NPAS3: variants seen among roughly 807,000 people sequenced by gnomAD.
The protein encoded by NPAS3 is neuronal PAS domain-containing protein 3.
In NPAS3, 14 loss-of-function variants were observed where a neutral mutation model predicts 73.1. That is an observed-to-expected ratio of 0.19 (90% CI 0.13 to 0.30). The LOEUF is 0.30. NPAS3 is among the 10% of genes least tolerant of loss of function. The pLI is 1.00. For synonymous variants in NPAS3, 620 were observed against 541.5 expected (o/e 1.14, Z -2.01); for missense variants, 1,096 against 1,250.0 (o/e 0.88, Z 1.86).
intron 4 of NPAS3, among the ~76,000 whole-genome samples, chr14:33,540,057 G>A (rs73269030): frequency 0.035 from 5,253 of 152,074 alleles, 340 homozygotes; most frequent in African/African-American, 0.12. Context: ...CAAGTTTTGT[G>A]TGTTTGCTTA....
chr14:33,245,149 A>C (rs2048333733), intron 3 of NPAS3, among the ~76,000 whole-genome samples: 1 of 152,220 alleles, frequency 6.6e-6, no homozygotes, highest in African/African-American at 2.4e-5. Context: ...ATATGATTAA[A>C]ATATATTTTT....
intron 4 of NPAS3, among the ~76,000 whole-genome samples, chr14:33,417,473 G>A (rs2138983413): frequency 6.6e-6 from 1 of 152,118 alleles, no homozygotes; most frequent in Admixed American, 6.6e-5. Context: ...CCAACTCTGT[G>A]ATTACGTTCT....
chr14:33,385,511 G>T (rs1378177173), intron 4 of NPAS3, among the ~76,000 whole-genome samples: 1 of 152,072 alleles, frequency 6.6e-6, no homozygotes, highest in Admixed American at 6.6e-5. Context: ...TGTTTCCCTT[G>T]GTAGACTTCA....
chr14:33,204,827 C>T (rs1022816465), intron 2 of NPAS3, among the ~76,000 whole-genome samples: 3 of 152,078 alleles, frequency 2.0e-5, no homozygotes, highest in East Asian at 1.9e-4. Flanking sequence ...CTTTTAGAGG[C>T]GTGACCAAGC....
At position 33,498,935 on chromosome 14, in the gene NPAS3, A is replaced by AGTGTGTGTGT. The variant is rs3058422; in HGVS notation, c.469-61140_469-61131dup. ...GAATGAGAGAGAGAGACAGAGAGAGAGTGTGTGTGTGTGTGTGTGTGTGTG... is the reference window on the plus strand; with the variant it reads ...GAATGAGAGAGAGAGACAGAGAGAGAGTGTGTGTGTGTGTGTGTGTGTGTGTGTGTGTGTG... On this transcript the variant is annotated intron_variant, in intron 4 of 11. Transcript: ENST00000356141. Among the ~76,000 whole-genome samples the AGTGTGTGTGT allele has an allele frequency of 1.5e-3, 146 of 94,922 alleles. 1 individual carries two copies. Among genetic ancestry groups the AGTGTGTGTGT allele is most frequent in the Admixed American group, 3.2e-3 (31 of 9,704 alleles). 62.3% of individuals were successfully genotyped at this position (94,922 alleles called of 152,430 possible).
At chr14:33,538,311 GA>G (rs1697512551) in intron 4 of NPAS3, among the ~76,000 whole-genome samples, 1 of 152,162 alleles carries the variant, frequency 6.6e-6, no homozygotes, top group African/African-American at 2.4e-5. Flanking sequence ...TAAACCAAAA[GA>G]ACCTTGAGAA....
chr14:33,662,372 G>A (rs950733536), intron 5 of NPAS3, among the ~76,000 whole-genome samples: 1 of 152,194 alleles, frequency 6.6e-6, no homozygotes, highest in Non-Finnish European at 1.5e-5. Context: ...TTGTGGTCAA[G>A]TAAAAAGACA....
intron 7 of NPAS3, among the ~76,000 whole-genome samples, chr14:33,762,123 C>T (rs181446150): frequency 2.0e-5 from 3 of 152,294 alleles, no homozygotes; most frequent in East Asian, 3.9e-4. Flanking sequence ...GAAATTCTCC[C>T]GAATTGATAA....
intron 2 of NPAS3, among the ~76,000 whole-genome samples, chr14:33,063,220 A>T (rs2041168193): frequency 6.6e-6 from 1 of 152,190 alleles, no homozygotes; most frequent in Non-Finnish European, 1.5e-5. Flanking sequence ...AACATTACTG[A>T]TCTTTTACCA....
intron 6 of NPAS3, among the ~76,000 whole-genome samples, chr14:33,717,535 A>G (rs1026493910): frequency 6.6e-6 from 1 of 152,196 alleles, no homozygotes; most frequent in African/African-American, 2.4e-5. Flanking sequence ...TACTCATTTC[A>G]TAAAATCTGG....
At chr14:33,435,221 G>T (rs187758091) in intron 4 of NPAS3, among the ~76,000 whole-genome samples, 7 of 152,314 alleles carry the variant, frequency 4.6e-5, no homozygotes, top group Admixed American at 1.3e-4. Context: ...AAAATTTAGA[G>T]AGAAAGAGAA....
At chr14:33,710,773 T>G (rs1299196452) in intron 6 of NPAS3, among the ~76,000 whole-genome samples, 1 of 152,234 alleles carries the variant, frequency 6.6e-6, no homozygotes, top group Non-Finnish European at 1.5e-5. Context: ...TATTCTAGGC[T>G]TCCATAATGC....
intron 2 of NPAS3, among the ~76,000 whole-genome samples, chr14:33,063,287 C>A (rs1348039135): frequency 6.6e-6 from 1 of 152,128 alleles, no homozygotes; most frequent in African/African-American, 2.4e-5. Flanking sequence ...AAAATCCTTA[C>A]AATAAACTTA....
intron 2 of NPAS3, among the ~76,000 whole-genome samples, chr14:33,197,237 CTGTGTGTGTGTGTGTG>C (rs11268151): frequency 1.5e-5 from 2 of 135,214 alleles, no homozygotes. Flanking sequence ...CTCCAGCAGG[CTGTGTGTGTGTGTGTG>C]TGTGTGTGTG....
intron 3 of NPAS3, among the ~76,000 whole-genome samples, chr14:33,304,285 A>C (rs1284366230): frequency 6.6e-6 from 1 of 152,196 alleles, no homozygotes; most frequent in Non-Finnish European, 1.5e-5. Context: ...TCTCTGTGAC[A>C]GTGAATTTCA....
chr14:33,485,580 T>G (rs2040957765), intron 4 of NPAS3, among the ~76,000 whole-genome samples: 1 of 152,196 alleles, frequency 6.6e-6, no homozygotes, highest in African/African-American at 2.4e-5. Context: ...TCATTTCTCA[T>G]GCTTTACATT....
intron 4 of NPAS3, among the ~76,000 whole-genome samples, chr14:33,415,810 T>C (rs2048121969): frequency 6.6e-6 from 1 of 152,126 alleles, no homozygotes; most frequent in Non-Finnish European, 1.5e-5. Context: ...TGTATACCCT[T>C]TACATCCTAT....
chr14:33,448,947 T>TACG (rs1275582061), intron 4 of NPAS3, among the ~76,000 whole-genome samples: 1 of 152,166 alleles, frequency 6.6e-6, no homozygotes, highest in East Asian at 1.9e-4. Context: ...GAAACCCTGA[T>TACG]ATGTCTGTGG....
At chr14:33,222,020 TC>T (rs1237882881) in intron 3 of NPAS3, among the ~76,000 whole-genome samples, 1 of 152,162 alleles carries the variant, frequency 6.6e-6, no homozygotes, top group Non-Finnish European at 1.5e-5. Context: ...AAGCTTAGGT[TC>T]GATGAAGAAT....
Sources: allele counts gnomAD v4.1 joint callset (sites outside exome capture counted in the v4.1 genomes callset), GRCh38; gene constraint gnomAD v4.1.1; transcripts MANE v1.5; gene names NCBI Gene and HGNC (gene_info 2026-07-23, HGNC 2026-07-21).